Variants in ATP8B4 observed in about 807,000 individuals in gnomAD.
ATP8B4 encodes ATPase phospholipid transporting 8B4 (putative), also known as probable phospholipid-transporting ATPase IM.
Under a neutral mutation model 145.6 loss-of-function variants are expected in ATP8B4, and 133 were observed. The ratio of observed to expected loss-of-function variants is 0.91; its 90% CI spans 0.79 to 1.05. The LOEUF (loss-of-function observed/expected upper bound fraction) is 1.05. ATP8B4 is among the 50% of genes least tolerant of loss of function. The pLI, the probability that ATP8B4 is intolerant of heterozygous loss-of-function variation, is 0.00. For missense variants in ATP8B4, 1,458 were observed against 1,425.2 expected (o/e 1.02, Z -0.37); for synonymous variants, 507 against 492.9 (o/e 1.03, Z -0.38).
intron 4 of ATP8B4, among the ~76,000 whole-genome samples, chr15:50,045,604 T>C (rs1001687256): frequency 6.6e-6 from 1 of 152,140 alleles, no homozygotes; most frequent in Non-Finnish European, 1.5e-5. Flanking sequence ...TGTAAGATTT[T>C]TTAAAAAAAA....
At chr15:50,082,652 AAATT>A (rs973927367) in intron 2 of ATP8B4, among the ~76,000 whole-genome samples, 7 of 152,224 alleles carry the variant, frequency 4.6e-5, no homozygotes, top group Admixed American at 1.3e-4. Flanking sequence ...ATTACACATA[AAATT>A]AATAAAATAT....
intron 23 of ATP8B4, among the ~76,000 whole-genome samples, chr15:49,886,243 G>A (rs1043010980): frequency 6.6e-6 from 1 of 152,108 alleles, no homozygotes; most frequent in Non-Finnish European, 1.5e-5. Flanking sequence ...AGAACTGTGT[G>A]AATTTGAGTA....
At chr15:50,064,866 A>C in intron 3 of ATP8B4, among the ~76,000 whole-genome samples, 1 of 118,264 alleles carries the variant, frequency 8.5e-6, no homozygotes, top group Non-Finnish European at 1.9e-5. Context: ...GAGAGGGAGG[A>C]GGTGCTACAC....
chr15:50,115,786 A>C (rs1416303313), intron 1 of ATP8B4, among the ~76,000 whole-genome samples: 1 of 152,208 alleles, frequency 6.6e-6, no homozygotes, highest in African/African-American at 2.4e-5. Context: ...TGTCTTATTC[A>C]GTCCTCACCA....
intron 6 of ATP8B4, among the ~76,000 whole-genome samples, chr15:50,017,991 CTTTTTTTTTT>C (rs35825862): frequency 1.3e-4 from 18 of 140,300 alleles, no homozygotes; most frequent in Non-Finnish European, 3.1e-5. Context: ...CTTTTTTTTT[CTTTTTTTTTT>C]TTTTGAAACG....
intron 24 of ATP8B4, 98 bp downstream of exon 24, chr15:49,879,278 A>T: frequency 1.9e-6 from 2 of 1,078,174 alleles, no homozygotes; most frequent in Non-Finnish European, 2.7e-6. Flanking sequence ...CTGCATTCCT[A>T]GGGCTGCTAC....
At chr15:50,166,169 T>C (rs2044596558) in intron 1 of ATP8B4, among the ~76,000 whole-genome samples, 1 of 152,180 alleles carries the variant, frequency 6.6e-6, no homozygotes, top group Non-Finnish European at 1.5e-5. Context: ...TAGAATTCTA[T>C]ACTCAGTGAA....
At chr15:50,119,475 C>T (rs1445036502), upstream of ATP8B4, 1 of 152,244 alleles carries the variant, frequency 6.6e-6, no homozygotes, top group African/African-American at 2.4e-5. Flanking sequence ...CCCTGAAGAG[C>T]CTCTCCTCCC....
chr15:49,965,566 T>G (rs1355670475), intron 13 of ATP8B4, among the ~76,000 whole-genome samples: 1 of 152,104 alleles, frequency 6.6e-6, no homozygotes, highest in East Asian at 1.9e-4. Flanking sequence ...AAAAGCCAAA[T>G]GTAGAGCATG....
intron 23 of ATP8B4, chr15:49,880,072 C>T (rs1013800951): frequency 6.6e-6 from 1 of 152,252 alleles, no homozygotes; most frequent in African/African-American, 2.4e-5. Context: ...CATATATCCC[C>T]ATTTTGCCTA....
At chr15:49,935,648 C>T (rs1442347570) in intron 14 of ATP8B4, among the ~76,000 whole-genome samples, 1 of 152,098 alleles carries the variant, frequency 6.6e-6, no homozygotes, top group East Asian at 1.9e-4. Flanking sequence ...CCCAGTCCCA[C>T]TCCCCAGAGA....
chr15:50,045,154 C>G (rs1415419656), intron 4 of ATP8B4, among the ~76,000 whole-genome samples: 1 of 152,152 alleles, frequency 6.6e-6, no homozygotes, highest in African/African-American at 2.4e-5. Context: ...TAGATTCCTA[C>G]TAGGATTGTT....
chr15:49,946,111 T>A (rs578074388), intron 14 of ATP8B4, among the ~76,000 whole-genome samples: 8 of 152,246 alleles, frequency 5.3e-5, no homozygotes, highest in Admixed American at 2.0e-4. Flanking sequence ...CACCATTTTT[T>A]AAAAATATTA....
intron 14 of ATP8B4, among the ~76,000 whole-genome samples, chr15:49,950,024 T>C (rs944546388): frequency 6.6e-6 from 1 of 152,170 alleles, no homozygotes; most frequent in Non-Finnish European, 1.5e-5. Flanking sequence ...TTGATCATGG[T>C]GGATAAGTTT....
At chr15:49,930,437 G>A (rs2041145843) in intron 16 of ATP8B4, among the ~76,000 whole-genome samples, 3 of 152,084 alleles carry the variant, frequency 2.0e-5, no homozygotes, top group African/African-American at 7.2e-5. Flanking sequence ...GAATGAGAGT[G>A]ACATTGACAC....
At chr15:50,179,057 T>C (rs891697484) in intron 1 of ATP8B4, among the ~76,000 whole-genome samples, 1 of 152,088 alleles carries the variant, frequency 6.6e-6, no homozygotes, top group Non-Finnish European at 1.5e-5. Flanking sequence ...AACAAGCCAG[T>C]AGAAAGAGGA....
At chr15:50,169,104 G>A (rs1042719900) in intron 1 of ATP8B4, among the ~76,000 whole-genome samples, 21 of 152,194 alleles carry the variant, frequency 1.4e-4, no homozygotes, top group Non-Finnish European at 7.3e-5. Flanking sequence ...CACTCTGGTA[G>A]TGGAAGAAAA....
At chr15:50,110,697 T>C (rs2056895538) in intron 1 of ATP8B4, among the ~76,000 whole-genome samples, 1 of 152,202 alleles carries the variant, frequency 6.6e-6, no homozygotes, top group African/African-American at 2.4e-5. Context: ...AGCTGCTAGA[T>C]GAGTCTTATG....
chr15:50,096,877 T>C (rs2056023328), intron 2 of ATP8B4, among the ~76,000 whole-genome samples: 1 of 152,190 alleles, frequency 6.6e-6, no homozygotes, highest in African/African-American at 2.4e-5. Context: ...AGAGAACTCA[T>C]GAGGAAACAG....
Sources: allele counts gnomAD v4.1 joint callset (sites outside exome capture counted in the v4.1 genomes callset), GRCh38; gene constraint gnomAD v4.1.1; transcripts MANE v1.5; gene names NCBI Gene and HGNC (gene_info 2026-07-23, HGNC 2026-07-21).